Variants in ABHD18 observed in about 807,000 individuals in gnomAD.
ABHD18 encodes the protein cardiolipin-specific deacylase, mitochondrial.
A neutral mutation model predicts 65.9 loss-of-function variants in ABHD18; 55 were observed. That is an observed-to-expected ratio of 0.84 (90% CI 0.67 to 1.05). The LOEUF is 1.05. ABHD18 is among the 50% of genes least tolerant of loss of function. ABHD18 has a pLI of 0.00. For missense variants in ABHD18, 533 were observed against 558.5 expected (o/e 0.95, Z 0.46); for synonymous variants, 181 against 180.2 (o/e 1.00, Z -0.04).
chr4:127,967,289 C>G (rs971954000), intron 1 of ABHD18, among the ~76,000 whole-genome samples: 1 of 151,800 alleles, frequency 6.6e-6, no homozygotes, highest in African/African-American at 2.4e-5. Flanking sequence ...AAATGGAAGG[C>G]AGGGAGATTA....
chr4:127,997,543 C>T (rs1371954125), intron 4 of ABHD18, among the ~76,000 whole-genome samples: 1 of 152,144 alleles, frequency 6.6e-6, no homozygotes, highest in Admixed American at 6.5e-5. Flanking sequence ...AATCTCAGCC[C>T]TCTTCAGTCT....
chr4:128,023,777 G>A (rs775091969), intron 10 of ABHD18, among the ~76,000 whole-genome samples: 18 of 152,092 alleles, frequency 1.2e-4, no homozygotes, highest in Non-Finnish European at 2.2e-4. Context: ...CCAGCTACTC[G>A]GGAGGCTGAG....
chr4:128,002,288 T>G (rs1277598669), intron 4 of ABHD18, among the ~76,000 whole-genome samples: 1 of 150,576 alleles, frequency 6.6e-6, no homozygotes, highest in Non-Finnish European at 1.5e-5. Context: ...TTTTTTTTTC[T>G]TTTTTTGAGA....
chr4:128,000,354 A>T (rs904752909), intron 4 of ABHD18, among the ~76,000 whole-genome samples: 3 of 152,172 alleles, frequency 2.0e-5, no homozygotes, highest in Non-Finnish European at 4.4e-5. Flanking sequence ...CTAGCCATCT[A>T]TCCTAACACC....
intron 4 of ABHD18, among the ~76,000 whole-genome samples, chr4:128,004,896 T>G (rs1428693058): frequency 6.6e-6 from 1 of 150,514 alleles, no homozygotes; most frequent in Non-Finnish European, 1.5e-5. Flanking sequence ...GGCGACAGAA[T>G]GAGACTCCGT....
chr4:127,987,579 G>A (rs562321217), intron 3 of ABHD18, among the ~76,000 whole-genome samples: 1 of 151,732 alleles, frequency 6.6e-6, no homozygotes, highest in Non-Finnish European at 1.5e-5. Flanking sequence ...AGGCATGGTG[G>A]CACATGCCTG....
At chr4:128,007,860 A>G (rs1362947535) in intron 4 of ABHD18, among the ~76,000 whole-genome samples, 1 of 152,184 alleles carries the variant, frequency 6.6e-6, no homozygotes, top group Non-Finnish European at 1.5e-5. Flanking sequence ...ATTCTATCAT[A>G]TACTAAAAGT....
intron 7 of ABHD18, among the ~76,000 whole-genome samples, chr4:128,015,894 T>C (rs1755394514): frequency 6.6e-6 from 1 of 151,990 alleles, no homozygotes; most frequent in Non-Finnish European, 1.5e-5. Context: ...TAATATATAT[T>C]TATTTTGATC....
intron 3 of ABHD18, among the ~76,000 whole-genome samples, chr4:127,988,536 A>G (rs1750380408): frequency 6.6e-6 from 1 of 152,110 alleles, no homozygotes; most frequent in Non-Finnish European, 1.5e-5. Flanking sequence ...CTGGCCTGAT[A>G]ATGGGTTTTT....
chr4:127,982,278 C>A (rs1159164450), intron 1 of ABHD18, among the ~76,000 whole-genome samples: 1 of 152,124 alleles, frequency 6.6e-6, no homozygotes, highest in Non-Finnish European at 1.5e-5. Context: ...CAAAACCATA[C>A]CATTCAGTTT....
chr4:128,023,981 T>A (rs1756963078), intron 10 of ABHD18, among the ~76,000 whole-genome samples: 1 of 152,226 alleles, frequency 6.6e-6, no homozygotes, highest in Non-Finnish European at 1.5e-5. Flanking sequence ...TACATGTATG[T>A]TTTAAAGGAA....
chr4:128,015,468 G>A (rs954280839), intron 7 of ABHD18, among the ~76,000 whole-genome samples: 3 of 152,024 alleles, frequency 2.0e-5, no homozygotes, highest in African/African-American at 7.2e-5. Context: ...CCCATACAAG[G>A]CTAAAAGAAA....
chr4:127,988,566 A>T (rs1436862861), intron 3 of ABHD18, among the ~76,000 whole-genome samples: 2 of 152,066 alleles, frequency 1.3e-5, no homozygotes, highest in Admixed American at 6.6e-5. Flanking sequence ...TTTAATTCAA[A>T]TCAGAAACAA....
Position 128,039,670 on chromosome 4 carries a change from C to A in ABHD18, c.*3857C>A, listed in dbSNP as rs1009779054. On this transcript the variant is annotated 3_prime_UTR_variant, in exon 13 of 13. Transcript: ENST00000645843. ...GAAATTTTAAAAATCATTTCCAAAT[C>A]TTTTATTATATTTCACAGTAAAAGT... is the stretch of plus-strand genomic sequence containing the variant. The A allele has an allele frequency of 1.3e-5, 2 of 151,732 alleles. No homozygotes were observed. The highest frequency in any genetic ancestry group is 2.4e-5 in the African/African-American group (1 of 41,300). 9.4% of individuals were successfully genotyped at this position (151,732 alleles called of 1,614,324 possible).
Position 128,009,007 on chromosome 4 carries a change from T to C in ABHD18, c.357+9T>C. The C allele has an allele frequency of 6.2e-7, 1 of 1,606,524 alleles. No individual in the cohort carries two copies. The highest frequency in any genetic ancestry group is 8.5e-7 in the Non-Finnish European group (1 of 1,176,442). ...CTGGAACAGGAGATCATGTAAGACT[T>C]TATTATAATGCCTTAATCTCTAGAT... On this transcript the variant is annotated intron_variant, in intron 5 of 12. Coordinates refer to ENST00000645843, the MANE Select transcript of ABHD18 (RefSeq NM_001358451.3).
intron 2 of ABHD18, 61 bp from the exon 3 acceptor site, chr4:127,984,278 T>TTTATAATTATAAA (rs1749584922): frequency 1.1e-6 from 1 of 913,236 alleles, no homozygotes. Flanking sequence ...TCAATTATAA[T>TTTATAATTATAAA]GTGCTTAGTA....
At chr4:128,014,775 C>T (rs1755190215) in intron 7 of ABHD18, among the ~76,000 whole-genome samples, 2 of 149,134 alleles carry the variant, frequency 1.3e-5, no homozygotes, top group South Asian at 4.2e-4. Context: ...AAAATATACC[C>T]CCCGCCCCTA....
chr4:128,008,783 A>G (rs894706808), intron 4 of ABHD18, 137 bp from the exon 5 acceptor site: 2 of 596,522 alleles, frequency 3.4e-6, no homozygotes, highest in African/African-American at 3.8e-5. Flanking sequence ...AATTTAGTTA[A>G]TTACAATTTG....
chr4:128,015,337 C>T lies in ABHD18; in HGVS notation c.471-2026C>T, dbSNP rs556023606. On this transcript the variant is annotated intron_variant, in intron 7 of 12. Transcript: ENST00000645843. ...TAAAAAGCCATCTTAAGTCTGTTTT[C>T]ATCAAAAGTGCTGAAACAATTTGAG... Among the ~76,000 whole-genome samples, 98 of 152,288 alleles carry T rather than the reference C, an allele frequency of 6.4e-4. 1 individual carries two copies. The highest frequency in any genetic ancestry group is 1.2e-3 in the Non-Finnish European group (80 of 68,006).
Sources: gnomAD v4.1 joint callset for allele counts (sites outside exome capture counted in the v4.1 genomes callset) on GRCh38, gnomAD v4.1.1 for gene constraint, MANE v1.5 for transcripts, NCBI Gene and HGNC (gene_info 2026-07-23, HGNC 2026-07-21) for gene names.